Variants in SMG1 observed in about 807,000 individuals in gnomAD.
SMG1 encodes the protein serine/threonine-protein kinase SMG1.
In SMG1, 22 loss-of-function variants were observed where a neutral mutation model predicts 419.9. That is an observed-to-expected ratio of 0.05 (90% CI 0.04 to 0.07). The LOEUF (loss-of-function observed/expected upper bound fraction) is 0.07, where lower values mean the gene tolerates loss of function less well. SMG1 is among the 10% of genes least tolerant of loss of function. The probability of loss-of-function intolerance (pLI) is 1.00; values close to 1 mark genes in which losing one functional copy is unlikely to be tolerated. For synonymous variants in SMG1, 1,538 were observed against 1,553.5 expected, an observed-to-expected ratio of 0.99 and a Z score of 0.23; for missense variants, 3,185 against 4,342.0, an observed-to-expected ratio of 0.73 and a Z score of 7.49.
Position 18,849,993 on chromosome 16 carries a change from T to C in SMG1, c.5417A>G (p.Tyr1806Cys). The C allele has an allele frequency of 1.9e-6, 3 of 1,614,010 alleles. No individual in the cohort carries two copies. The highest frequency in any genetic ancestry group is 2.5e-6 in the Non-Finnish European group (3 of 1,179,892). ...LVKHAGELRQYLEHGLETTPT... is the reference protein window; with the variant it reads ...LVKHAGELRQCLEHGLETTPT... The stretch of plus-strand genomic sequence containing the variant: ...TGTTGTCTCCAAGCCGTGCTCCAGA[T>C]ACTGCCGAAGCTCACCAGCATGCTT... Residue 1806 changes from tyrosine to cysteine, a missense_variant, in exon 35 of 63, where the codon TAT becomes TGT. By Grantham distance (194) the Tyr-to-Cys change is radical. Coordinates refer to ENST00000446231, the MANE Select transcript of SMG1 (RefSeq NM_015092.5).
At chr16:18,925,646 T>TGCCCCCC (rs1273937775) in intron 1 of SMG1, 3 of 314,106 alleles carry the variant, frequency 9.6e-6, no homozygotes, top group African/African-American at 6.7e-5. Context: ...GTAACTGGAA[T>TGCCCCCC]GCCCCCCACC....
At chr16:18,866,804 C>A (rs1213290284) in intron 22 of SMG1, 29 bp from the exon 23 acceptor site, 1 of 1,584,312 alleles carries the variant, frequency 6.3e-7, no homozygotes, top group Admixed American at 1.7e-5. Context: ...AAATTAGTCA[C>A]CCAATACCAT....
At position 18,837,416 on chromosome 16, in the gene SMG1, T is replaced by C. The variant is rs769092599; in HGVS notation, c.7441A>G (p.Met2481Val). The stretch of plus-strand genomic sequence containing the variant: ...TCCAACTTGGGAAGCACAACCAGCA[T>C]CTCATCTCTATTCTTAAACCAGTTC... ...KVNWFKNRDE[M>V]LVVLPKLDGS... The change falls in exon 46 of 63, where the codon ATG becomes GTG. Residue 2481 changes from methionine (M) to valine (V), a missense_variant. Coordinates refer to ENST00000446231, the MANE Select transcript of SMG1 (RefSeq NM_015092.5). The C allele has an allele frequency of 3.1e-6, 5 of 1,613,872 alleles. No individual in the cohort carries two copies. The highest frequency in any genetic ancestry group is 4.2e-6 in the Non-Finnish European group (5 of 1,179,830).
intron 49 of SMG1, 66 bp from the exon 50 acceptor site, chr16:18,834,504 G>T: frequency 6.9e-7 from 1 of 1,455,866 alleles, no homozygotes; most frequent in Non-Finnish European, 9.3e-7. Flanking sequence ...AACTGGCCGG[G>T]TCAAGGCCAT....
At chr16:18,855,335 G>C (rs527568824) in intron 29 of SMG1, among the ~76,000 whole-genome samples, 27 of 152,066 alleles carry the variant, frequency 1.8e-4, no homozygotes, top group Non-Finnish European at 3.4e-4. Flanking sequence ...TTAAACACCA[G>C]TGCTCCTTGG....
intron 1 of SMG1, among the ~76,000 whole-genome samples, chr16:18,906,224 C>T (rs758469161): frequency 1.3e-5 from 2 of 152,092 alleles, no homozygotes; most frequent in Non-Finnish European, 2.9e-5. Flanking sequence ...TGGTTCACGC[C>T]TGTAATCCCT....
chr16:18,900,292 T>C (rs1322787122), intron 1 of SMG1, among the ~76,000 whole-genome samples: 1 of 152,142 alleles, frequency 6.6e-6, no homozygotes, highest in Non-Finnish European at 1.5e-5. Flanking sequence ...AACATACAAA[T>C]CACATGCAAA....
chr16:18,897,419 G>A (rs971127465), intron 1 of SMG1, among the ~76,000 whole-genome samples: 5 of 152,170 alleles, frequency 3.3e-5, no homozygotes, highest in African/African-American at 1.2e-4. Flanking sequence ...CAGCATGTCA[G>A]GGACGGGCAA....
intron 12 of SMG1, 65 bp downstream of exon 12, chr16:18,877,066 G>A (rs961258235): frequency 1.7e-4 from 190 of 1,145,378 alleles, no homozygotes; most frequent in Non-Finnish European, 2.3e-4. Flanking sequence ...AGCCTGGTAA[G>A]CAACATTAGG....
At chr16:18,871,045 A>C (rs1327866198) in intron 16 of SMG1, among the ~76,000 whole-genome samples, 157 bp from the exon 17 acceptor site, 1 of 152,252 alleles carries the variant, frequency 6.6e-6, no homozygotes, top group African/African-American at 2.4e-5. Flanking sequence ...TGACTGTCAC[A>C]TTTGTTAAAA....
In SMG1 at chr16:18,879,675, C is replaced by A. The variant is rs925765553; in HGVS notation, c.1338G>T (p.Val446=). The stretch of plus-strand genomic sequence containing the variant: ...CTGTCAACACAGCCTCAGAAAAAAA[C>A]ACCTGGTTTGCAGCCGTCACACATC... ...VMRCVTAANQ[V]FFSEAVLTAA... The change falls in exon 11 of 63, where the codon GTG becomes GTT. Residue 446 remains valine (V), a synonymous_variant. Transcript: ENST00000446231. 3.2e-6 allele frequency: 5 copies of A among 1,541,198 alleles called. No homozygotes were observed. In the East Asian group the frequency reaches 7.0e-5, roughly 22 times the overall value.
chr16:18,853,337 G>A (rs2034703834), intron 31 of SMG1, among the ~76,000 whole-genome samples: 1 of 152,120 alleles, frequency 6.6e-6, no homozygotes, highest in South Asian at 2.1e-4. Context: ...ATGAGGGGCA[G>A]GATCTTATTG....
chr16:18,877,891 A>G (rs910108908), intron 11 of SMG1: 4 of 152,234 alleles, frequency 2.6e-5, no homozygotes, highest in African/African-American at 9.6e-5. Flanking sequence ...TTCTGGCAGA[A>G]ATGCTCAGCA....
intron 23 of SMG1, among the ~76,000 whole-genome samples, chr16:18,864,369 T>G (rs1464663697): frequency 5.3e-5 from 8 of 151,706 alleles, no homozygotes; most frequent in Non-Finnish European, 1.2e-4. Flanking sequence ...CTAATTTTCT[T>G]GTATTTTTAG....
chr16:18,904,526 T>G (rs1311490684), intron 1 of SMG1, among the ~76,000 whole-genome samples: 1 of 151,782 alleles, frequency 6.6e-6, no homozygotes, highest in Non-Finnish European at 1.5e-5. Flanking sequence ...TAGTCCCAGC[T>G]ACCTGGGAGG....
chr16:18,863,755 A>G lies in SMG1; in HGVS notation c.3590T>C (p.Ile1197Thr), dbSNP rs1164924437. 4 of 1,580,212 alleles carry G rather than the reference A, an allele frequency of 2.5e-6. No homozygotes were observed. Among genetic ancestry groups the G allele is most frequent in the Non-Finnish European group, 3.4e-6 (4 of 1,163,254 alleles). The change falls in exon 25 of 63, where the codon ATT (isoleucine) becomes ACT (threonine). Residue 1197 changes from isoleucine to threonine, a missense_variant. Physicochemically the swap from Ile to Thr is moderately conservative, Grantham distance 89. Around this residue, in one of 27 missense-constraint regions of SMG1, gnomAD observed 120 missense variants for 193.3 expected, o/e 0.62. Transcript: ENST00000446231. ...GNKACECYIS[I>T]ADWAAVQEWQ... Reference sequence around the variant, plus strand: ...TTCCTGCACAGCAGCCCAATCGGCAATTGAGATGTAGCACTCACATGCTTT... The same window carrying G: ...TTCCTGCACAGCAGCCCAATCGGCAGTTGAGATGTAGCACTCACATGCTTT...
At chr16:18,849,853 C>T (rs2034491876) in intron 35 of SMG1, 96 bp downstream of exon 35, 2 of 1,180,830 alleles carry the variant, frequency 1.7e-6, no homozygotes, top group Admixed American at 5.1e-5. Flanking sequence ...ATTCTTTTTA[C>T]ACATTCAAAT....
chr16:18,810,877 G>C (rs1416600196), intron 62 of SMG1, among the ~76,000 whole-genome samples: 3 of 152,152 alleles, frequency 2.0e-5, no homozygotes, highest in Admixed American at 6.5e-5. Flanking sequence ...AAATTGTTCA[G>C]AAAAACTGTG....
chr16:18,869,362 A>C, intron 19 of SMG1, 59 bp from the exon 20 acceptor site: 1 of 1,404,800 alleles, frequency 7.1e-7, no homozygotes, highest in Non-Finnish European at 9.7e-7. Context: ...ATAATGAAAA[A>C]AAAAATGCAA....
Sources: gnomAD v4.1 joint callset for allele counts (sites outside exome capture counted in the v4.1 genomes callset) on GRCh38, gnomAD v4.1.1 for gene constraint, gnomAD v4.1.1 regional missense constraint, MANE v1.5 for transcripts, NCBI Gene and HGNC (gene_info 2026-07-23, HGNC 2026-07-21) for gene names.